The following COL22A1 variants were observed in gnomAD, a reference collection of about 807,000 sequenced individuals.
COL22A1 encodes the protein collagen alpha-1(XXII) chain.
In COL22A1, 221 loss-of-function variants were observed where a neutral mutation model predicts 248.9. The ratio of observed to expected loss-of-function variants is 0.89; its 90% CI spans 0.80 to 0.99. The LOEUF (loss-of-function observed/expected upper bound fraction) is 0.99, where lower values mean the gene tolerates loss of function less well. Ranked by LOEUF, COL22A1 falls within the 50% of genes least tolerant of loss-of-function variation. The pLI is 0.00. For missense variants in COL22A1, 2,240 were observed against 2,179.0 expected (o/e 1.03, Z -0.56); for synonymous variants, 891 against 793.4 (o/e 1.12, Z -2.07).
chr8:138,747,797 G>A (rs1281892500), intron 22 of COL22A1, among the ~76,000 whole-genome samples: 1 of 152,138 alleles, frequency 6.6e-6, no homozygotes, highest in Admixed American at 6.5e-5. Context: ...GGATGAATTT[G>A]TGGAAGGAAA....
At chr8:138,838,773 A>T (rs191490610) in intron 4 of COL22A1, among the ~76,000 whole-genome samples, 1,447 of 144,262 alleles carry the variant, frequency 0.01, 14 homozygotes, top group African/African-American at 0.033. Context: ...ACTGTGAGAT[A>T]AAAAAAAAGC....
intron 61 of COL22A1, among the ~76,000 whole-genome samples, chr8:138,597,729 C>T (rs978987653): frequency 7.2e-5 from 11 of 152,192 alleles, no homozygotes; most frequent in Admixed American, 7.2e-4. Context: ...GATTCTGTTT[C>T]CTTATTCTTT....
At position 138,635,147 on chromosome 8, in the gene COL22A1, T is replaced by G. The variant is rs1221191598; in HGVS notation, c.3556-84A>C. 2.6e-6 allele frequency: 3 copies of G among 1,171,582 alleles called. No individual in the cohort carries two copies. In the African/African-American group the frequency reaches 4.6e-5, roughly 18 times the overall value. The allele number at this position is 1,171,582 out of a possible 1,614,324, so 72.6% of individuals were successfully genotyped here. The stretch of plus-strand genomic sequence containing the variant: ...GCAAATATCAAATTTCAGAAAACAA[T>G]ACAGAATCCACCTTCCAACCCTACT... On this transcript the variant is annotated intron_variant, in intron 48 of 64. Transcript: ENST00000303045.
At position 138,881,512 on chromosome 8, in the gene COL22A1, C is replaced by T. The variant is rs368410022; in HGVS notation, c.91+1570G>A. Among the ~76,000 whole-genome samples the T allele has an allele frequency of 2.8e-3, 425 of 152,052 alleles. 1 individual carries two copies. Among genetic ancestry groups the T allele is most frequent in the African/African-American group, 1.0e-2 (414 of 41,474 alleles). The stretch of plus-strand genomic sequence containing the variant: ...CGTCTTGGCTAACACGGTGAAACCC[C>T]GTCTCTACTAAAAATACAAAAAATT... On this transcript the variant is annotated intron_variant, in intron 2 of 64. Transcript: ENST00000303045.
chr8:138,871,552 C>G (rs1178778498), intron 3 of COL22A1, among the ~76,000 whole-genome samples: 1 of 152,358 alleles, frequency 6.6e-6, no homozygotes, highest in East Asian at 1.9e-4. Context: ...CCTAGCCCAT[C>G]ACTTGATGGA....
At chr8:138,673,211 A>AT (rs5895548) in intron 41 of COL22A1, among the ~76,000 whole-genome samples, 90,100 of 138,326 alleles carry the variant, frequency 0.65, 30,099 homozygotes, top group Non-Finnish European at 0.74. Context: ...CAGCCGATCT[A>AT]TTTTTTTTTT....
At chr8:138,765,266 C>T (rs1031346471) in intron 16 of COL22A1, among the ~76,000 whole-genome samples, 1 of 152,126 alleles carries the variant, frequency 6.6e-6, no homozygotes, top group African/African-American at 2.4e-5. Context: ...AGCAGAGTCC[C>T]TGGAGGGACT....
chr8:138,653,360 G>A (rs1047034140), intron 45 of COL22A1, among the ~76,000 whole-genome samples: 6 of 152,148 alleles, frequency 3.9e-5, no homozygotes, highest in Non-Finnish European at 8.8e-5. Context: ...TCTGGCTCAC[G>A]TAAAGATGAA....
intron 30 of COL22A1, among the ~76,000 whole-genome samples, chr8:138,710,452 C>T (rs1261567930): frequency 6.6e-6 from 1 of 152,142 alleles, no homozygotes; most frequent in African/African-American, 2.4e-5. Flanking sequence ...CGCCCTTAGT[C>T]AACAACAATA....
chr8:138,606,801 C>A (rs968302546), intron 57 of COL22A1, among the ~76,000 whole-genome samples: 1 of 152,172 alleles, frequency 6.6e-6, no homozygotes, highest in Non-Finnish European at 1.5e-5. Flanking sequence ...CATGAGGCGG[C>A]CAAAGCTCAC....
chr8:138,909,301 G>A (rs1233260143), intron 1 of COL22A1, among the ~76,000 whole-genome samples: 1 of 152,076 alleles, frequency 6.6e-6, no homozygotes, highest in African/African-American at 2.4e-5. Flanking sequence ...TCTTGCATAA[G>A]TGAAGTTTTA....
At chr8:138,675,449 AT>A (rs1486046669) in intron 41 of COL22A1, among the ~76,000 whole-genome samples, 1 of 152,204 alleles carries the variant, frequency 6.6e-6, no homozygotes, top group Non-Finnish European at 1.5e-5. Flanking sequence ...TAGACCATGT[AT>A]TACTCCAGTT....
intron 57 of COL22A1, 137 bp from the exon 58 acceptor site, chr8:138,606,589 C>T: frequency 1.2e-6 from 1 of 831,738 alleles, no homozygotes. Context: ...GATGGAGGGG[C>T]ATGGGTTAGG....
Position 138,606,006 on chromosome 8 carries a change from G to A in COL22A1, c.4104+375C>T, listed in dbSNP as rs370082753. 1.1e-4 allele frequency among the ~76,000 whole-genome samples: 16 copies of A among 152,264 alleles called. No homozygotes were observed. The East Asian group carries it at 2.3e-3, about 22-fold the overall frequency. Reference sequence around the variant, plus strand: ...GTCCCACCACATGCATCATTACAATGGTTTGTATTTATTGAGCACCTGCAG... The same window carrying A: ...GTCCCACCACATGCATCATTACAATAGTTTGTATTTATTGAGCACCTGCAG... On this transcript the variant is annotated intron_variant, in intron 58 of 64. Coordinates refer to ENST00000303045, the MANE Select transcript of COL22A1 (RefSeq NM_152888.3).
intron 47 of COL22A1, 122 bp from the exon 48 acceptor site, chr8:138,636,917 GTGGT>G: frequency 1.2e-6 from 1 of 839,464 alleles, no homozygotes. Flanking sequence ...TCAAGTTCCT[GTGGT>G]AGCTCAGGCA....
chr8:138,865,493 ATGTG>A (rs200896126), intron 3 of COL22A1, among the ~76,000 whole-genome samples: 3,339 of 144,776 alleles, frequency 0.023, 109 homozygotes, highest in African/African-American at 0.082. Flanking sequence ...ATGCATGTGT[ATGTG>A]TGTGTATGTT....
chr8:138,703,278 A>G (rs1475579107), intron 31 of COL22A1, 28 bp downstream of exon 31: 2 of 1,599,872 alleles, frequency 1.3e-6, no homozygotes, highest in East Asian at 4.5e-5. Flanking sequence ...AATTCAGAGG[A>G]GAAAGAATTA....
chr8:138,661,687 G>T (rs115510295), intron 43 of COL22A1, among the ~76,000 whole-genome samples: 1 of 152,312 alleles, frequency 6.6e-6, no homozygotes, highest in African/African-American at 2.4e-5. Context: ...AAGGGTCAGG[G>T]GCAAGTCCCT....
intron 3 of COL22A1, among the ~76,000 whole-genome samples, chr8:138,862,026 T>TAAAAAAAAAAAA (rs386414193): frequency 2.1e-5 from 2 of 93,264 alleles, no homozygotes; most frequent in Non-Finnish European, 3.9e-5. Flanking sequence ...CTGTCTCTAC[T>TAAAAAAAAAAAA]AAAAAAAAAA....
Sources: gnomAD v4.1 joint callset for allele counts (sites outside exome capture counted in the v4.1 genomes callset) on GRCh38, gnomAD v4.1.1 for gene constraint, MANE v1.5 for transcripts, NCBI Gene and HGNC (gene_info 2026-07-23, HGNC 2026-07-21) for gene names.